Variants in TEX14 observed in about 807,000 individuals in gnomAD.
The protein encoded by TEX14 is inactive serine/threonine-protein kinase TEX14.
In TEX14, 168 loss-of-function variants were observed where a neutral mutation model predicts 178.6. That is an observed-to-expected ratio of 0.94 (90% CI 0.83 to 1.07). The LOEUF (loss-of-function observed/expected upper bound fraction) is 1.07, where lower values mean the gene tolerates loss of function less well. Ranked by LOEUF, TEX14 falls within the 50% of genes least tolerant of loss-of-function variation. The pLI is 0.00. For missense variants in TEX14, 1,730 were observed against 1,753.6 expected (o/e 0.99, Z 0.24); for synonymous variants, 626 against 634.1 (o/e 0.99, Z 0.19).
intron 3 of TEX14, 146 bp downstream of exon 3, chr17:58,630,294 G>A (rs2046256986): frequency 3.6e-6 from 2 of 559,432 alleles, no homozygotes; most frequent in South Asian, 4.4e-5. Context: ...CTGACCTCGT[G>A]ATCTGCCCGC....
At chr17:58,674,169 G>A (rs1436437475) in intron 1 of TEX14, among the ~76,000 whole-genome samples, 3 of 151,920 alleles carry the variant, frequency 2.0e-5, no homozygotes, top group East Asian at 3.9e-4. Context: ...CCAGCTACTC[G>A]GGAGGCTAAG....
chr17:58,576,623 C>A (rs1280338397), intron 21 of TEX14, among the ~76,000 whole-genome samples: 1 of 152,224 alleles, frequency 6.6e-6, no homozygotes, highest in East Asian at 1.9e-4. Context: ...AGATACAGAA[C>A]ATTTCTACTA....
At chr17:58,638,854 CTTTTTTTTTT>C (rs1210311633) in intron 2 of TEX14, among the ~76,000 whole-genome samples, 1 of 75,094 alleles carries the variant, frequency 1.3e-5, no homozygotes, top group Non-Finnish European at 2.4e-5. Flanking sequence ...GACTATTATT[CTTTTTTTTTT>C]TTTTTTTTTT....
intron 1 of TEX14, among the ~76,000 whole-genome samples, chr17:58,677,119 CAAAAA>C (rs35953337): frequency 1.3e-5 from 1 of 78,658 alleles, no homozygotes; most frequent in African/African-American, 4.7e-5. Context: ...AACTCCGTCT[CAAAAA>C]AAAAAAAAAA....
At chr17:58,563,624 TA>T (rs1567988601) in intron 28 of TEX14, among the ~76,000 whole-genome samples, 3 of 3,206 alleles carry the variant, frequency 9.4e-4, no homozygotes, top group African/African-American at 1.6e-3. Flanking sequence ...CTCTAATTTA[TA>T]TATATATATA....
Position 58,681,828 on chromosome 17 carries a change from A to C in TEX14, c.-2+10111T>G, listed in dbSNP as rs1225490047. 5.9e-5 allele frequency among the ~76,000 whole-genome samples: 9 copies of C among 152,178 alleles called. No homozygotes were observed. The East Asian group carries it at 1.7e-3, about 29-fold the overall frequency. ...ATTGCACTCCAGCCTGGGTGACAGC[A>C]GGAAACTCTTGTCTCAAACAAAAAA... On this transcript the variant is annotated intron_variant, in intron 1 of 31. Transcript: ENST00000349033.
At chr17:58,596,868 G>C (rs544292305) in intron 14 of TEX14, among the ~76,000 whole-genome samples, 16 of 152,258 alleles carry the variant, frequency 1.1e-4, no homozygotes, top group African/African-American at 3.9e-4. Context: ...CTTGAGTCCA[G>C]AAGATTGAGG....
intron 2 of TEX14, among the ~76,000 whole-genome samples, chr17:58,639,734 C>G (rs1430812774): frequency 1.3e-5 from 2 of 152,150 alleles, no homozygotes; most frequent in African/African-American, 4.8e-5. Context: ...GGGCCTTTGA[C>G]TCTGCTAGAA....
chr17:58,614,205 C>T (rs2045816744), intron 8 of TEX14, among the ~76,000 whole-genome samples: 2 of 152,080 alleles, frequency 1.3e-5, no homozygotes, highest in African/African-American at 4.8e-5. Context: ...AAGGAAATGT[C>T]AGGGCCTGGT....
At chr17:58,638,796 T>C (rs2144603392) in intron 2 of TEX14, among the ~76,000 whole-genome samples, 1 of 147,944 alleles carries the variant, frequency 6.8e-6, no homozygotes, top group East Asian at 2.0e-4. Context: ...TGCCCCGGCC[T>C]CCCAAAGCAC....
chr17:58,681,915 T>C (rs1439319832), intron 1 of TEX14, among the ~76,000 whole-genome samples: 1 of 151,960 alleles, frequency 6.6e-6, no homozygotes, highest in African/African-American at 2.4e-5. Context: ...GAAAAGGTAA[T>C]GTATGTGAAC....
intron 1 of TEX14, among the ~76,000 whole-genome samples, chr17:58,670,575 A>ACCAG (rs2047287445): frequency 6.6e-6 from 1 of 151,832 alleles, no homozygotes. Flanking sequence ...GGTGTTTGAG[A>ACCAG]CCAGCCTGGC....
chr17:58,648,252 C>T (rs1236511669), intron 2 of TEX14: 1 of 152,296 alleles, frequency 6.6e-6, no homozygotes, highest in Non-Finnish European at 1.5e-5. Context: ...GTGCCTCCAC[C>T]ACACTGTGCA....
chr17:58,585,673 C>T, intron 18 of TEX14, 128 bp downstream of exon 18: 2 of 515,858 alleles, frequency 3.9e-6, no homozygotes, highest in Non-Finnish European at 6.3e-6. Flanking sequence ...CCAGGCTGGT[C>T]CCAAATTCCT....
At position 58,616,196 on chromosome 17, in the gene TEX14, C is replaced by A; in HGVS notation, c.746G>T (p.Gly249Val). The A allele has an allele frequency of 1.9e-6, 3 of 1,613,738 alleles. No homozygotes were observed. Among genetic ancestry groups the A allele is most frequent in the Non-Finnish European group, 2.5e-6 (3 of 1,179,842 alleles). Residue 249 changes from glycine to valine, a missense_variant, in exon 7 of 32, where the codon GGC (glycine) becomes GTC (valine). Gly to Val is a moderately radical substitution (Grantham distance 109). This residue lies in a region of TEX14 where 789 missense variants were observed against 681.2 expected (regional missense o/e 1.16). Coordinates refer to ENST00000349033, the MANE Select transcript of TEX14 (RefSeq NM_031272.5). The part of the protein sequence containing the change: ...DDEPTFSFFS[G>V]PYMVMTNLVW... ...TTACTTGGTCATGACCATGTAGGGG[C>A]CGCTGAAGAAAGAGAAGGTGGGCTC...
At chr17:58,581,620 TAA>T (rs868788866) in intron 19 of TEX14, 38 of 1,613,650 alleles carry the variant, frequency 2.4e-5, no homozygotes, top group Non-Finnish European at 3.0e-5. Context: ...CCTCTAGAGC[TAA>T]GTTTTCTTGA....
chr17:58,689,935 C>T (rs575860184), intron 1 of TEX14, among the ~76,000 whole-genome samples: 1 of 148,966 alleles, frequency 6.7e-6, no homozygotes, highest in African/African-American at 2.5e-5. Flanking sequence ...CTGCAAGCTC[C>T]GCCTCCTGGG....
At position 58,613,498 on chromosome 17, in the gene TEX14, A is replaced by G. The variant is rs1163201807; in HGVS notation, c.928T>C (p.Ser310Pro). ...YLLQLMAVCL[S>P]QDLEKTRLVY... ...AGGCGGGTTTTCTCTAGGTCCTGGG[A>G]GAGACACACAGCCATCAACTGTAGC... The change falls in exon 9 of 32, where the codon TCC becomes CCC. Residue 310 changes from serine (S) to proline (P), a missense_variant. Coordinates refer to ENST00000349033, the MANE Select transcript of TEX14 (RefSeq NM_031272.5). 2 of 1,614,006 alleles carry G rather than the reference A, an allele frequency of 1.2e-6. No individual in the cohort carries two copies. Among genetic ancestry groups the G allele is most frequent in the Non-Finnish European group, 1.7e-6 (2 of 1,180,018 alleles).
intron 14 of TEX14, among the ~76,000 whole-genome samples, chr17:58,597,082 T>C (rs2063603462): frequency 6.6e-6 from 1 of 152,092 alleles, no homozygotes; most frequent in Admixed American, 6.5e-5. Flanking sequence ...CAGGGAGAGC[T>C]ATCTTCCCTG....
Sources: gnomAD v4.1 joint callset for allele counts (sites outside exome capture counted in the v4.1 genomes callset) on GRCh38, gnomAD v4.1.1 for gene constraint, gnomAD v4.1.1 regional missense constraint, MANE v1.5 for transcripts, NCBI Gene and HGNC (gene_info 2026-07-23, HGNC 2026-07-21) for gene names.